The following CTNND2 variants were observed in gnomAD, a reference collection of about 807,000 sequenced individuals.
CTNND2 encodes catenin delta 2.
Under a neutral mutation model 144.4 loss-of-function variants are expected in CTNND2, and 22 were observed. That is an observed-to-expected ratio of 0.15 (90% CI 0.11 to 0.22). The LOEUF (loss-of-function observed/expected upper bound fraction) is 0.22, where lower values mean the gene tolerates loss of function less well. Ranked by LOEUF, CTNND2 falls within the 10% of genes least tolerant of loss-of-function variation. The probability of loss-of-function intolerance (pLI) is 1.00; values close to 1 mark genes in which losing one functional copy is unlikely to be tolerated. For missense variants in CTNND2, 1,353 were observed against 1,618.8 expected (o/e 0.84, Z 2.82); for synonymous variants, 751 against 695.6 (o/e 1.08, Z -1.25).
At chr5:11,817,846 T>C (rs1213360672) in intron 1 of CTNND2, among the ~76,000 whole-genome samples, 1 of 151,850 alleles carries the variant, frequency 6.6e-6, no homozygotes, top group Admixed American at 6.6e-5. Flanking sequence ...GATTATAAAA[T>C]AAGAAAATGA....
intron 2 of CTNND2, among the ~76,000 whole-genome samples, chr5:11,728,631 A>T (rs969417008): frequency 1.3e-5 from 2 of 152,180 alleles, no homozygotes; most frequent in African/African-American, 4.8e-5. Context: ...CTCTAAAATC[A>T]AGAATACGGT....
intron 3 of CTNND2, among the ~76,000 whole-genome samples, chr5:11,486,708 A>G (rs1284793467): frequency 6.6e-6 from 1 of 152,186 alleles, no homozygotes; most frequent in Non-Finnish European, 1.5e-5. Context: ...AATCATCACT[A>G]GTTTATCTTC....
At chr5:11,510,787 C>T (rs887735965) in intron 3 of CTNND2, among the ~76,000 whole-genome samples, 2 of 151,990 alleles carry the variant, frequency 1.3e-5, no homozygotes, top group Admixed American at 6.6e-5. Context: ...AAAAATTAGC[C>T]GGGCATGGTG....
At chr5:11,580,954 C>T (rs1039821871) in intron 2 of CTNND2, among the ~76,000 whole-genome samples, 4 of 152,258 alleles carry the variant, frequency 2.6e-5, no homozygotes, top group Admixed American at 2.6e-4. Flanking sequence ...CTTTGCATTG[C>T]CCTCTTGTTT....
intron 1 of CTNND2, among the ~76,000 whole-genome samples, chr5:11,779,530 A>G (rs1045043932): frequency 3.9e-5 from 6 of 152,186 alleles, no homozygotes; most frequent in Non-Finnish European, 7.3e-5. Context: ...TCCAAATGTA[A>G]CATGGGTTAT....
chr5:11,609,423 T>C (rs1039164639), intron 2 of CTNND2, among the ~76,000 whole-genome samples: 1 of 152,196 alleles, frequency 6.6e-6, no homozygotes, highest in Non-Finnish European at 1.5e-5. Flanking sequence ...TTTAAACGTA[T>C]GAAATTTCTT....
chr5:11,044,684 T>C (rs540497592), intron 16 of CTNND2, among the ~76,000 whole-genome samples: 15 of 152,308 alleles, frequency 9.8e-5, no homozygotes. Context: ...GTCACATTGC[T>C]AAGGTCAAGT....
chr5:11,017,826 T>C (rs1741789343), intron 18 of CTNND2, 148 bp downstream of exon 18: 8 of 631,690 alleles, frequency 1.3e-5, no homozygotes, highest in Non-Finnish European at 2.0e-5. Context: ...AGGGGACACA[T>C]TGCCTCTTTT....
chr5:11,808,143 T>TAG (rs1792112065), intron 1 of CTNND2, among the ~76,000 whole-genome samples: 3 of 152,198 alleles, frequency 2.0e-5, no homozygotes, highest in African/African-American at 7.2e-5. Flanking sequence ...GGCCACTTCC[T>TAG]TCCCTGTCCT....
intron 16 of CTNND2, among the ~76,000 whole-genome samples, chr5:11,048,212 T>C (rs1044933123): frequency 1.3e-5 from 2 of 152,048 alleles, no homozygotes; most frequent in African/African-American, 4.8e-5. Context: ...TGTCATCCAA[T>C]CTCTGCATCT....
At chr5:11,655,895 C>G (rs922846983) in intron 2 of CTNND2, among the ~76,000 whole-genome samples, 1 of 151,852 alleles carries the variant, frequency 6.6e-6, no homozygotes, top group Non-Finnish European at 1.5e-5. Flanking sequence ...TCAATGATGA[C>G]ACACACTCAT....
chr5:11,346,742 A>G, intron 8 of CTNND2, 115 bp from the exon 9 acceptor site: 1 of 971,454 alleles, frequency 1.0e-6, no homozygotes, highest in Non-Finnish European at 1.4e-6. Context: ...GGGGGTTCAA[A>G]AGAATAAAAA....
intron 14 of CTNND2, among the ~76,000 whole-genome samples, chr5:11,103,222 T>C (rs991828696): frequency 2.0e-5 from 3 of 151,820 alleles, no homozygotes; most frequent in Non-Finnish European, 4.4e-5. Flanking sequence ...CCTCAAGTGA[T>C]CCACCCACCT....
chr5:11,426,996 A>C (rs1762836942), intron 3 of CTNND2, among the ~76,000 whole-genome samples: 2 of 152,354 alleles, frequency 1.3e-5, no homozygotes, highest in African/African-American at 4.8e-5. Flanking sequence ...AACAAAGCAT[A>C]GGGAAATGCA....
chr5:11,008,060 C>T (rs1019771211), intron 18 of CTNND2, among the ~76,000 whole-genome samples: 18 of 152,148 alleles, frequency 1.2e-4, no homozygotes, highest in African/African-American at 4.1e-4. Context: ...ATGAGGGCAA[C>T]ACTCCAGAGG....
At chr5:11,448,171 C>T (rs996101246) in intron 3 of CTNND2, among the ~76,000 whole-genome samples, 1 of 152,118 alleles carries the variant, frequency 6.6e-6, no homozygotes, top group Non-Finnish European at 1.5e-5. Flanking sequence ...ATTGTTACTG[C>T]TGATACTGGT....
chr5:11,389,996 A>G (rs569490731), intron 6 of CTNND2, among the ~76,000 whole-genome samples: 1 of 152,332 alleles, frequency 6.6e-6, no homozygotes, highest in East Asian at 1.9e-4. Flanking sequence ...CTCATTATGG[A>G]TACGCAAGTA....
intron 9 of CTNND2, among the ~76,000 whole-genome samples, chr5:11,294,177 C>CAA (rs34764407): frequency 2.5e-4 from 33 of 133,186 alleles, no homozygotes; most frequent in Non-Finnish European, 3.1e-4. Flanking sequence ...GTCACAATCT[C>CAA]AAAAAAAAAA....
At chr5:11,505,694 A>G (rs1425188018) in intron 3 of CTNND2, among the ~76,000 whole-genome samples, 5 of 152,098 alleles carry the variant, frequency 3.3e-5, no homozygotes, top group Non-Finnish European at 7.4e-5. Context: ...TCGCACCCCA[A>G]GTTCTAAATA....
Sources: allele counts gnomAD v4.1 joint callset (sites outside exome capture counted in the v4.1 genomes callset), GRCh38; gene constraint gnomAD v4.1.1; transcripts MANE v1.5; gene names NCBI Gene and HGNC (gene_info 2026-07-23, HGNC 2026-07-21).